COBLL1: variants seen among roughly 807,000 people sequenced by gnomAD.
COBLL1 encodes the protein cordon-bleu WH2 repeat protein like 1, also known as cordon-bleu protein-like 1.
In COBLL1, 50 loss-of-function variants were observed where a neutral mutation model predicts 94.8. The ratio of observed to expected loss-of-function variants is 0.53; its 90% CI spans 0.42 to 0.67. COBLL1 has a LOEUF of 0.67. Among genes scored for constraint, COBLL1 ranks in the 30% least tolerant of loss-of-function variants. The probability of loss-of-function intolerance (pLI) is 0.00; values close to 1 mark genes in which losing one functional copy is unlikely to be tolerated. For synonymous variants in COBLL1, 448 were observed against 473.8 expected, an observed-to-expected ratio of 0.95 and a Z score of 0.71; for missense variants, 1,362 against 1,348.7, an observed-to-expected ratio of 1.01 and a Z score of -0.15.
intron 2 of COBLL1, among the ~76,000 whole-genome samples, chr2:164,819,989 C>CTTT (rs143956749): frequency 1.3e-4 from 18 of 137,882 alleles, no homozygotes; most frequent in Non-Finnish European, 2.8e-4. Flanking sequence ...CCATACCTGG[C>CTTT]TTTTTTTTTT....
chr2:164,725,363 T>C (rs1574477178), intron 5 of COBLL1, among the ~76,000 whole-genome samples: 1 of 152,052 alleles, frequency 6.6e-6, no homozygotes, highest in Non-Finnish European at 1.5e-5. Context: ...CTCAGAACAG[T>C]AGATGAAAAA....
intron 2 of COBLL1, among the ~76,000 whole-genome samples, chr2:164,803,842 T>C (rs1487642721): frequency 6.6e-6 from 1 of 151,960 alleles, no homozygotes; most frequent in Non-Finnish European, 1.5e-5. Context: ...ATACCAATAG[T>C]CCAGGCCCAG....
intron 3 of COBLL1, among the ~76,000 whole-genome samples, chr2:164,741,252 C>A (rs35212788): frequency 6.6e-6 from 1 of 151,406 alleles, no homozygotes; most frequent in East Asian, 1.9e-4. Flanking sequence ...CTCCAGCCTG[C>A]GCAACAGAGC....
intron 1 of COBLL1, among the ~76,000 whole-genome samples, chr2:164,667,733 A>G (rs1691184915): frequency 6.6e-6 from 1 of 152,112 alleles, no homozygotes; most frequent in Non-Finnish European, 1.5e-5. Context: ...GAGAGTTAGG[A>G]TGTTGCTCTG....
chr2:164,755,035 T>C (rs1238831567), intron 2 of COBLL1, among the ~76,000 whole-genome samples: 2 of 152,138 alleles, frequency 1.3e-5, no homozygotes, highest in African/African-American at 4.8e-5. Context: ...CATGCTGATA[T>C]GCACCTCTAG....
At chr2:164,736,101 C>G (rs912221716) in intron 3 of COBLL1, among the ~76,000 whole-genome samples, 1 of 152,040 alleles carries the variant, frequency 6.6e-6, no homozygotes, top group Non-Finnish European at 1.5e-5. Flanking sequence ...GAAGAAATCC[C>G]TATGAGATTT....
At chr2:164,832,423 G>C (rs963605028) in intron 2 of COBLL1, among the ~76,000 whole-genome samples, 1 of 152,026 alleles carries the variant, frequency 6.6e-6, no homozygotes, top group Non-Finnish European at 1.5e-5. Context: ...TTATTTTAAA[G>C]ACATATTCTG....
At chr2:164,750,889 A>G (rs1014737322) in intron 2 of COBLL1, among the ~76,000 whole-genome samples, 3 of 152,134 alleles carry the variant, frequency 2.0e-5, no homozygotes, top group African/African-American at 7.2e-5. Flanking sequence ...CAACTCTCCA[A>G]GTGATTCTGA....
At chr2:164,702,477 T>G (rs1168661961) in intron 9 of COBLL1, among the ~76,000 whole-genome samples, 2 of 143,592 alleles carry the variant, frequency 1.4e-5, no homozygotes, top group African/African-American at 5.3e-5. Context: ...GGCGGGAGAA[T>G]GGCGTGAACC....
At chr2:164,762,164 C>A (rs1284146331) in intron 2 of COBLL1, among the ~76,000 whole-genome samples, 1 of 152,196 alleles carries the variant, frequency 6.6e-6, no homozygotes, top group Non-Finnish European at 1.5e-5. Context: ...CTGATTAATA[C>A]TAGCCTCAAG....
At chr2:164,729,003 C>A (rs537433478) in intron 4 of COBLL1, among the ~76,000 whole-genome samples, 1 of 151,738 alleles carries the variant, frequency 6.6e-6, no homozygotes, top group Admixed American at 6.6e-5. Flanking sequence ...TATAATCCCA[C>A]GCTATAGCAT....
At position 164,685,755 on chromosome 2, in the gene COBLL1, A is replaced by G. The variant is rs1212780368; in HGVS notation, c.*191T>C. The G allele has an allele frequency of 5.1e-6, 2 of 390,340 alleles. No individual in the cohort carries two copies. Among genetic ancestry groups the G allele is most frequent in the African/African-American group, 2.1e-5 (1 of 48,222 alleles). 24.2% of individuals were successfully genotyped at this position (390,340 alleles called of 1,614,324 possible). A position where few individuals can be genotyped will look rare whatever the true frequency, so the allele number is the denominator to read the frequency against. On this transcript the variant is annotated 3_prime_UTR_variant, in exon 14 of 14. Transcript: ENST00000652658. ...ATATTCAACTCTTAAGGCAAAAAAA[A>G]GATCAAAAAATTACTATAAATTATA... is the stretch of plus-strand genomic sequence containing the variant.
intron 3 of COBLL1, among the ~76,000 whole-genome samples, chr2:164,736,038 ATTT>A (rs1686287931): frequency 6.6e-6 from 1 of 152,070 alleles, no homozygotes; most frequent in African/African-American, 2.4e-5. Flanking sequence ...TAATATAATA[ATTT>A]TCTAGAGGGC....
At chr2:164,726,023 C>T (rs1269401514) in intron 5 of COBLL1, among the ~76,000 whole-genome samples, 1 of 152,148 alleles carries the variant, frequency 6.6e-6, no homozygotes, top group African/African-American at 2.4e-5. Flanking sequence ...ATACTGTAAA[C>T]TTTCTTAATT....
chr2:164,817,227 T>C (rs1029248426), intron 2 of COBLL1, among the ~76,000 whole-genome samples: 1 of 151,918 alleles, frequency 6.6e-6, no homozygotes, highest in Non-Finnish European at 1.5e-5. Flanking sequence ...GAACCCACAG[T>C]TGAAAGCCTT....
intron 1 of COBLL1, among the ~76,000 whole-genome samples, chr2:164,671,577 CT>C (rs1459519596): frequency 1.3e-5 from 2 of 152,172 alleles, no homozygotes. Context: ...CTCTCATCAT[CT>C]TTGACATTTC....
Position 164,833,513 on chromosome 2 carries a change from T to G in COBLL1, c.41+7643A>C, listed in dbSNP as rs2924764. Among the ~76,000 whole-genome samples the G allele has an allele frequency of 4.0e-5, 6 of 150,730 alleles. No homozygotes were observed. The East Asian group carries it at 7.8e-4, about 20-fold the overall frequency. The stretch of plus-strand genomic sequence containing the variant: ...TCGCCCAGGCCGGACTGCAGTGGCG[T>G]TATCCCGGCTCACTGCAAGCTCCGC... On this transcript the variant is annotated intron_variant, in intron 2 of 13. Transcript: ENST00000652658.
In COBLL1 at chr2:164,699,403, A is replaced by C. The variant is rs1247141803; in HGVS notation, c.1555+2T>G. ...TGTTGGCTATTAATTTATATAACTC[A>C]CCATTCTCTTGGTTTGGGCCCAACG... On this transcript the variant is annotated splice_donor_variant, in intron 11 of 13. Transcript: ENST00000652658. LOFTEE classifies it high-confidence loss of function. 6.3e-7 allele frequency: 1 copy of C among 1,583,418 alleles called. No individual in the cohort carries two copies. The highest frequency in any genetic ancestry group is 8.7e-7 in the Non-Finnish European group (1 of 1,152,272).
At chr2:164,818,769 C>CATATAGTAT (rs1685011613) in intron 2 of COBLL1, among the ~76,000 whole-genome samples, 13 of 139,496 alleles carry the variant, frequency 9.3e-5, no homozygotes, top group African/African-American at 2.7e-4. Flanking sequence ...CTTATGTAAA[C>CATATAGTAT]ATATATATAT....
Sources: gnomAD v4.1 joint callset for allele counts (sites outside exome capture counted in the v4.1 genomes callset) on GRCh38, gnomAD v4.1.1 for gene constraint, MANE v1.5 for transcripts, NCBI Gene and HGNC (gene_info 2026-07-23, HGNC 2026-07-21) for gene names.